The following EXOC4 variants were observed in gnomAD, a reference collection of about 807,000 sequenced individuals.
The protein encoded by EXOC4 is exocyst complex component 4, also known as SEC8-like 1.
Under a neutral mutation model 107.2 loss-of-function variants are expected in EXOC4, and 71 were observed. The ratio of observed to expected loss-of-function variants is 0.66; its 90% CI spans 0.55 to 0.81. EXOC4 has a LOEUF of 0.81. Among genes scored for constraint, EXOC4 ranks in the 30% least tolerant of loss-of-function variants. The pLI, the probability that EXOC4 is intolerant of heterozygous loss-of-function variation, is 0.00. For missense variants in EXOC4, 1,108 were observed against 1,189.6 expected (o/e 0.93, Z 1.01); for synonymous variants, 456 against 441.2 (o/e 1.03, Z -0.42).
intron 7 of EXOC4, among the ~76,000 whole-genome samples, chr7:133,451,992 T>C (rs1422937455): frequency 2.0e-5 from 3 of 152,236 alleles, no homozygotes; most frequent in Non-Finnish European, 2.9e-5. Flanking sequence ...ATCTTAACCA[T>C]TTTTAATTGT....
intron 10 of EXOC4, among the ~76,000 whole-genome samples, chr7:133,644,977 C>T (rs887521790): frequency 1.3e-5 from 2 of 151,910 alleles, no homozygotes; most frequent in Admixed American, 1.3e-4. Flanking sequence ...CCCTTTGCAT[C>T]TTTGTATGTG....
At chr7:133,277,057 G>A (rs973911835) in intron 2 of EXOC4, among the ~76,000 whole-genome samples, 4 of 152,024 alleles carry the variant, frequency 2.6e-5, no homozygotes, top group African/African-American at 4.8e-5. Context: ...CGCCTCCCGG[G>A]TTCAAGCGAT....
chr7:133,628,787 C>T (rs979675727), intron 9 of EXOC4, among the ~76,000 whole-genome samples: 1 of 152,160 alleles, frequency 6.6e-6, no homozygotes, highest in African/African-American at 2.4e-5. Context: ...AATTAAGGAC[C>T]ATTTGAGGAA....
intron 10 of EXOC4, among the ~76,000 whole-genome samples, chr7:133,755,281 AT>A (rs1795887134): frequency 1.9e-5 from 2 of 104,722 alleles, no homozygotes; most frequent in Middle Eastern, 4.9e-3. Context: ...TATTATATAT[AT>A]TATATACATA....
At chr7:133,928,378 C>T (rs956096035) in intron 13 of EXOC4, among the ~76,000 whole-genome samples, 2 of 152,174 alleles carry the variant, frequency 1.3e-5, no homozygotes, top group Non-Finnish European at 2.9e-5. Context: ...CCCGTGCCTG[C>T]TGTAATCTTG....
chr7:133,725,551 T>A (rs1029246539), intron 10 of EXOC4, among the ~76,000 whole-genome samples: 3 of 152,072 alleles, frequency 2.0e-5, no homozygotes, highest in Non-Finnish European at 4.4e-5. Flanking sequence ...AATTTTTGTA[T>A]TTTTAGTAGA....
intron 7 of EXOC4, among the ~76,000 whole-genome samples, chr7:133,388,371 C>T (rs950654469): frequency 6.6e-5 from 10 of 151,872 alleles, no homozygotes; most frequent in East Asian, 1.9e-4. Context: ...AAAAATTGGC[C>T]GGGTATGGTG....
At chr7:133,920,648 T>C (rs1025526616) in intron 13 of EXOC4, among the ~76,000 whole-genome samples, 1 of 152,250 alleles carries the variant, frequency 6.6e-6, no homozygotes, top group Non-Finnish European at 1.5e-5. Flanking sequence ...TAAGCTAGAA[T>C]CATTGACTAC....
chr7:133,655,098 T>G (rs1803257756), intron 10 of EXOC4, among the ~76,000 whole-genome samples: 1 of 152,180 alleles, frequency 6.6e-6, no homozygotes, highest in African/African-American at 2.4e-5. Context: ...ACTGTACACT[T>G]GAGTTACACT....
At chr7:133,792,974 A>G (rs115803196) in intron 10 of EXOC4, among the ~76,000 whole-genome samples, 1,815 of 152,306 alleles carry the variant, frequency 0.012, 30 homozygotes, top group African/African-American at 0.041. Flanking sequence ...TCAGAACATC[A>G]GCAAGACCCT....
chr7:133,888,259 T>C (rs1277065760), intron 11 of EXOC4, among the ~76,000 whole-genome samples: 1 of 152,218 alleles, frequency 6.6e-6, no homozygotes, highest in Non-Finnish European at 1.5e-5. Context: ...CAAAACCCTG[T>C]ACCCCATAAT....
At chr7:133,737,909 CT>C (rs10673346) in intron 10 of EXOC4, among the ~76,000 whole-genome samples, 3 of 89,328 alleles carry the variant, frequency 3.4e-5, no homozygotes, top group African/African-American at 1.3e-4. Context: ...ATTTTTCTTT[CT>C]TTTTTTTTTT....
chr7:133,873,842 T>C (rs1253912655), intron 11 of EXOC4, among the ~76,000 whole-genome samples: 1 of 152,198 alleles, frequency 6.6e-6, no homozygotes, highest in Non-Finnish European at 1.5e-5. Context: ...AGCTTTGATA[T>C]TCTGATTTTT....
intron 7 of EXOC4, among the ~76,000 whole-genome samples, chr7:133,441,507 C>T (rs536785462): frequency 1.3e-5 from 2 of 152,320 alleles, no homozygotes; most frequent in South Asian, 2.1e-4. Context: ...TCTCATGCCT[C>T]AGCCTCCCGA....
chr7:133,806,772 C>A (rs1797087202), intron 10 of EXOC4, among the ~76,000 whole-genome samples: 1 of 152,182 alleles, frequency 6.6e-6, no homozygotes, highest in Admixed American at 6.5e-5. Context: ...CCCTTGCTAG[C>A]TGTATGACCT....
intron 9 of EXOC4, among the ~76,000 whole-genome samples, chr7:133,504,572 A>G (rs901807104): frequency 7.9e-5 from 12 of 152,074 alleles, no homozygotes; most frequent in African/African-American, 2.7e-4. Context: ...CTGTATGCTC[A>G]GTTTATATCG....
intron 10 of EXOC4, among the ~76,000 whole-genome samples, chr7:133,700,720 G>T (rs894074045): frequency 6.6e-6 from 1 of 152,174 alleles, no homozygotes; most frequent in South Asian, 2.1e-4. Context: ...GCTGAAGGAG[G>T]TTGGCTTGGT....
In EXOC4 at chr7:133,916,381, G is replaced by A. The variant is rs375749473; in HGVS notation, c.1872-1202G>A. On this transcript the variant is annotated intron_variant, in intron 12 of 17. Transcript: ENST00000253861. ...GTTGGGGACCCCTGCCCTACAACAT[G>A]AAACTATGTTACCTTAAGTCAGTCT... Among the ~76,000 whole-genome samples the A allele has an allele frequency of 3.4e-4, 52 of 152,288 alleles. No individual in the cohort carries two copies. In the South Asian group the frequency reaches 7.7e-3, roughly 22 times the overall value.
At chr7:133,761,862 A>G (rs537503853) in intron 10 of EXOC4, among the ~76,000 whole-genome samples, 1 of 152,302 alleles carries the variant, frequency 6.6e-6, no homozygotes, top group South Asian at 2.1e-4. Flanking sequence ...CAAGTGAACA[A>G]CTTAGGCTGG....
Sources: gnomAD v4.1 joint callset for allele counts (sites outside exome capture counted in the v4.1 genomes callset) on GRCh38, gnomAD v4.1.1 for gene constraint, MANE v1.5 for transcripts, NCBI Gene and HGNC (gene_info 2026-07-23, HGNC 2026-07-21) for gene names.